Variants in SECISBP2 observed in about 807,000 individuals in gnomAD.
SECISBP2 encodes the protein selenocysteine insertion sequence-binding protein 2.
In SECISBP2, 96 loss-of-function variants were observed where a neutral mutation model predicts 98.2. That is an observed-to-expected ratio of 0.98 (90% CI 0.83 to 1.16). The LOEUF (loss-of-function observed/expected upper bound fraction) is 1.16, where lower values mean the gene tolerates loss of function less well. Ranked by LOEUF, SECISBP2 falls within the 50% of genes most tolerant of loss-of-function variation. The pLI is 0.00. For missense variants in SECISBP2, 1,046 were observed against 1,022.9 expected, an observed-to-expected ratio of 1.02 and a Z score of -0.31; for synonymous variants, 407 against 370.2, an observed-to-expected ratio of 1.10 and a Z score of -1.14.
At chr9:89,362,435 G>A (rs1240686950), downstream of SECISBP2, 1 of 1,614,020 alleles carries the variant, frequency 6.2e-7, no homozygotes, top group Non-Finnish European at 8.5e-7. Flanking sequence ...TTTCCTGAAA[G>A]AACAATGTGG....
intron 6 of SECISBP2, among the ~76,000 whole-genome samples, chr9:89,333,737 C>G (rs1310652226): frequency 6.6e-6 from 1 of 152,252 alleles, no homozygotes; most frequent in Non-Finnish European, 1.5e-5. Context: ...GTAATATTTT[C>G]AGAGAGAGTT....
At chr9:89,322,555 G>T (rs1335987398) in intron 2 of SECISBP2, 1 of 152,208 alleles carries the variant, frequency 6.6e-6, no homozygotes, top group Non-Finnish European at 1.5e-5. Context: ...CAGAATTAAC[G>T]TGCTATTCTT....
chr9:89,341,200 T>C, intron 9 of SECISBP2, 147 bp from the exon 10 acceptor site: 1 of 735,530 alleles, frequency 1.4e-6, no homozygotes, highest in African/African-American at 1.8e-5. Context: ...GTGGGATTGA[T>C]TTTTTTTCCT....
At position 89,339,904 on chromosome 9, in the gene SECISBP2, G is replaced by T; in HGVS notation, c.1253G>T (p.Arg418Ile). Reference sequence around the variant, plus strand: ...CCCAACCTGGCAGTTGCATCTGAAAGAAGAGACAGAATAGAGACACCGAAA... The same window carrying T: ...CCCAACCTGGCAGTTGCATCTGAAATAAGAGACAGAATAGAGACACCGAAA... ...EFPNLAVASERRDRIETPKFQ... is the reference protein window; with the variant it reads ...EFPNLAVASEIRDRIETPKFQ... Residue 418 changes from arginine to isoleucine, a missense_variant, in exon 9 of 17, where the codon AGA (arginine) becomes ATA (isoleucine). Physicochemically the swap from Arg to Ile is moderately conservative, Grantham distance 97. Transcript: ENST00000375807. 6.2e-7 allele frequency: 1 copy of T among 1,613,882 alleles called. No individual in the cohort carries two copies. Among genetic ancestry groups the T allele is most frequent in the Non-Finnish European group, 8.5e-7 (1 of 1,179,828 alleles).
chr9:89,345,181 CTG>C (rs1418039633), intron 10 of SECISBP2, among the ~76,000 whole-genome samples: 2 of 152,236 alleles, frequency 1.3e-5, no homozygotes, highest in East Asian at 3.8e-4. Flanking sequence ...CCCCTGGACT[CTG>C]TGTAAGTCCC....
intron 7 of SECISBP2, 139 bp from the exon 8 acceptor site, chr9:89,338,319 A>G (rs1587928937): frequency 2.1e-6 from 2 of 943,042 alleles, no homozygotes; most frequent in Admixed American, 5.1e-5. Flanking sequence ...TTTAAAAAAC[A>G]GGGGATGAGG....
At chr9:89,324,607 C>A (rs1826369559) in intron 2 of SECISBP2, 1 of 152,134 alleles carries the variant, frequency 6.6e-6, no homozygotes, top group Non-Finnish European at 1.5e-5. Flanking sequence ...GTTTGAAGGT[C>A]TTAAAGGGTG....
chr9:89,362,367 G>A, downstream of SECISBP2: 1 of 1,614,058 alleles, frequency 6.2e-7, no homozygotes, highest in Non-Finnish European at 8.5e-7. Context: ...GTCTTGTTGG[G>A]GTTGAGGTCG....
In SECISBP2 at chr9:89,319,812, A is replaced by G; in HGVS notation, c.182+15A>G. The G allele has an allele frequency of 6.8e-6, 11 of 1,613,432 alleles. No individual in the cohort carries two copies. The highest frequency in any genetic ancestry group is 5.5e-5 in the South Asian group (5 of 91,076). On this transcript the variant is annotated intron_variant, in intron 2 of 16. Transcript: ENST00000375807. ...CCAGTGACAGAGTATGTATCTTTCTAAAAGTCTTACCTAGGGGCTTACATT... is the reference window on the plus strand; with the variant it reads ...CCAGTGACAGAGTATGTATCTTTCTGAAAGTCTTACCTAGGGGCTTACATT...
intron 7 of SECISBP2, among the ~76,000 whole-genome samples, chr9:89,336,803 GCT>G (rs1360677473): frequency 3.8e-5 from 4 of 105,022 alleles, no homozygotes; most frequent in Admixed American, 1.5e-4. Context: ...ATGGAGTCTT[GCT>G]CTGTCGCCCA....
At position 89,354,823 on chromosome 9, in the gene SECISBP2, AC is replaced by A. The variant is rs1330107624; in HGVS notation, c.2114-2585del. ...GAGCTGGGGTGGACACCAGGCAGAG[AC>A]CCTCCAGTGAGAGAGATGCATCTGA... On this transcript the variant is annotated intron_variant, in intron 14 of 16. Coordinates refer to ENST00000375807, the MANE Select transcript of SECISBP2 (RefSeq NM_024077.5). The A allele has an allele frequency of 4.1e-5, 40 of 985,302 alleles. No individual in the cohort carries two copies. In the South Asian group the frequency reaches 1.5e-3, roughly 36 times the overall value. The allele number at this position is 985,302 out of a possible 1,614,324, so 61.0% of individuals were successfully genotyped here.
At chr9:89,351,711 G>A (rs1276988567) in intron 14 of SECISBP2, among the ~76,000 whole-genome samples, 7 of 152,132 alleles carry the variant, frequency 4.6e-5, no homozygotes, top group African/African-American at 1.4e-4. Context: ...CATGTCCGAG[G>A]CCCCCAGCCA....
In SECISBP2 at chr9:89,348,204, A is replaced by C. The variant is rs901677908; in HGVS notation, c.1728A>C (p.Ala576=). Residue 576 remains alanine, a synonymous_variant, in exon 12 of 17, where the codon GCA becomes GCC. Coordinates refer to ENST00000375807, the MANE Select transcript of SECISBP2 (RefSeq NM_024077.5). The part of the protein sequence containing the change: ...SGGDDQFPEQ[A]ELSGPEGMDE... ...GTGATGACCAGTTTCCCGAGCAGGC[A>C]GAGCTGTCAGGTACCAACTTCTCTT... is the stretch of plus-strand genomic sequence containing the variant. 1.2e-6 allele frequency: 2 copies of C among 1,614,104 alleles called. No individual in the cohort carries two copies. The highest frequency in any genetic ancestry group is 2.7e-5 in the African/African-American group (2 of 74,930).
chr9:89,350,895 G>T, intron 14 of SECISBP2, 43 bp downstream of exon 14: 1 of 1,527,840 alleles, frequency 6.5e-7, no homozygotes, highest in South Asian at 1.1e-5. Flanking sequence ...GCCCCTGCAT[G>T]AGTGCCTAGT....
At chr9:89,340,105 G>A in intron 9 of SECISBP2, 152 bp downstream of exon 9, 1 of 626,718 alleles carries the variant, frequency 1.6e-6, no homozygotes, top group Non-Finnish European at 2.9e-6. Flanking sequence ...CACCCAGCAT[G>A]TTGAAACAGA....
At chr9:89,339,029 A>G (rs917467864) in intron 8 of SECISBP2, among the ~76,000 whole-genome samples, 1 of 152,252 alleles carries the variant, frequency 6.6e-6, no homozygotes, top group Non-Finnish European at 1.5e-5. Context: ...GGAAGATTTC[A>G]GGAATTTCCA....
chr9:89,358,616 C>A, intron 16 of SECISBP2, 105 bp from the exon 17 acceptor site: 1 of 781,864 alleles, frequency 1.3e-6, no homozygotes, highest in Non-Finnish European at 2.3e-6. Context: ...CCGTGAGCTG[C>A]TGGGCAGTGG....
At position 89,341,355 on chromosome 9, in the gene SECISBP2, T is replaced by A. The variant is rs562755339; in HGVS notation, c.1311T>A (p.Phe437Leu). ...FQSKQQPQDNFKNNVKKSQLP... is the reference protein window; with the variant it reads ...FQSKQQPQDNLKNNVKKSQLP... The stretch of plus-strand genomic sequence containing the variant: ...GAATTTTGAACTTTCAGGATAATTT[T>A]AAAAATAATGTAAAGAAGAGCCAGC... Residue 437 changes from phenylalanine to leucine, a missense_variant, in exon 10 of 17, where the codon TTT becomes TTA. Transcript: ENST00000375807. The A allele has an allele frequency of 1.7e-5, 27 of 1,613,664 alleles. No individual in the cohort carries two copies. The African/African-American group carries it at 2.5e-4, about 15-fold the overall frequency.
intron 4 of SECISBP2, among the ~76,000 whole-genome samples, chr9:89,328,220 T>C (rs1827112375): frequency 6.6e-6 from 1 of 152,252 alleles, no homozygotes; most frequent in South Asian, 2.1e-4. Context: ...CATCATCGCA[T>C]GTACTATACT....
Sources: allele counts gnomAD v4.1 joint callset (sites outside exome capture counted in the v4.1 genomes callset), GRCh38; gene constraint gnomAD v4.1.1; transcripts MANE v1.5; gene names NCBI Gene and HGNC (gene_info 2026-07-23, HGNC 2026-07-21).